The following HS3ST3B1 variants were observed in gnomAD, a reference collection of about 807,000 sequenced individuals.
HS3ST3B1 encodes the protein heparan sulfate-glucosamine 3-sulfotransferase 3B1.
In HS3ST3B1, 13 loss-of-function variants were observed where a neutral mutation model predicts 21.3. The ratio of observed to expected loss-of-function variants is 0.61; its 90% CI spans 0.40 to 0.97. The LOEUF (loss-of-function observed/expected upper bound fraction) is 0.97. Ranked by LOEUF, HS3ST3B1 falls within the 50% of genes least tolerant of loss-of-function variation. HS3ST3B1 has a pLI of 0.00. For synonymous variants in HS3ST3B1, 234 were observed against 254.8 expected, an observed-to-expected ratio of 0.92 and a Z score of 0.78; for missense variants, 459 against 554.8, an observed-to-expected ratio of 0.83 and a Z score of 1.73.
At chr17:14,332,093 G>A (rs62054234) in intron 1 of HS3ST3B1, among the ~76,000 whole-genome samples, 12 of 152,262 alleles carry the variant, frequency 7.9e-5, no homozygotes, top group Middle Eastern at 3.4e-3. Context: ...CCCTGGCTGG[G>A]TGTCTTATCT....
chr17:14,317,172 T>C (rs1379182623), intron 1 of HS3ST3B1, among the ~76,000 whole-genome samples: 1 of 152,244 alleles, frequency 6.6e-6, no homozygotes, highest in African/African-American at 2.4e-5. Context: ...AAGTTACGTA[T>C]CTTTTAAAGG....
rs189724701 is a variant in HS3ST3B1 at position 14,319,099 on chromosome 17, G to A, written c.554+17027G>A. Among the ~76,000 whole-genome samples, 267 of 152,278 alleles carry A rather than the reference G, an allele frequency of 1.8e-3. 2 individuals are homozygous for A. Among genetic ancestry groups the A allele is most frequent in the Admixed American group, 2.3e-3 (35 of 15,300 alleles). On this transcript the variant is annotated intron_variant, in intron 1 of 1. Transcript: ENST00000360954. ...TCGTAAGTCCCAGAAGCTCAGGTGC[G>A]GAGAGAGGCACTAGCAGACAGCAGC...
intron 1 of HS3ST3B1, among the ~76,000 whole-genome samples, chr17:14,327,046 G>A (rs1043354514): frequency 6.6e-6 from 1 of 151,476 alleles, no homozygotes; most frequent in African/African-American, 2.4e-5. Context: ...TCTCTTGACT[G>A]TGTCTGGAAT....
chr17:14,341,677 A>T (rs1910388050), intron 1 of HS3ST3B1, among the ~76,000 whole-genome samples: 1 of 152,214 alleles, frequency 6.6e-6, no homozygotes, highest in South Asian at 2.1e-4. Flanking sequence ...AGTCAGACTG[A>T]CAGCGAGATA....
chr17:14,310,511 G>A (rs1186191758), intron 1 of HS3ST3B1, among the ~76,000 whole-genome samples: 1 of 152,240 alleles, frequency 6.6e-6, no homozygotes, highest in Admixed American at 6.5e-5. Flanking sequence ...AAAAGGGCAC[G>A]TCGGGAAGTG....
At position 14,301,487 on chromosome 17, in the gene HS3ST3B1, G is replaced by A. The variant is rs1236808151; in HGVS notation, c.-32G>A. ...CGGCGGGACCCACGCCATGTGCTGA[G>A]CCATGTCCCTGGCCGCGCCCGCGGG... On this transcript the variant is annotated 5_prime_UTR_variant, in exon 1 of 2. Transcript: ENST00000360954. The A allele has an allele frequency of 6.8e-7, 1 of 1,474,272 alleles. No individual in the cohort carries two copies. Among genetic ancestry groups the A allele is most frequent in the Non-Finnish European group, 8.9e-7 (1 of 1,120,848 alleles). 91.3% of individuals were successfully genotyped at this position (1,474,272 alleles called of 1,614,324 possible).
At chr17:14,312,151 G>A (rs773179937) in intron 1 of HS3ST3B1, among the ~76,000 whole-genome samples, 2 of 152,210 alleles carry the variant, frequency 1.3e-5, no homozygotes, top group South Asian at 2.1e-4. Context: ...CTGTGTGCAG[G>A]CGAGTGGGCC....
At chr17:14,333,022 G>A (rs1910068405) in intron 1 of HS3ST3B1, among the ~76,000 whole-genome samples, 1 of 151,878 alleles carries the variant, frequency 6.6e-6, no homozygotes, top group Admixed American at 6.6e-5. Context: ...GAAACCAGGT[G>A]ATGAGAATAA....
chr17:14,320,733 G>C (rs993912574), intron 1 of HS3ST3B1, among the ~76,000 whole-genome samples: 6 of 152,188 alleles, frequency 3.9e-5, no homozygotes, highest in African/African-American at 1.4e-4. Context: ...CCTTTTGCCT[G>C]TCTGGAAGGA....
intron 1 of HS3ST3B1, among the ~76,000 whole-genome samples, chr17:14,335,432 T>C (rs1050265464): frequency 1.6e-4 from 24 of 152,136 alleles, no homozygotes; most frequent in Non-Finnish European, 2.8e-4. Context: ...CGGTGGCTCA[T>C]GCCTGTAATC....
chr17:14,328,721 C>T (rs889892131), intron 1 of HS3ST3B1: 1 of 152,156 alleles, frequency 6.6e-6, no homozygotes, highest in Non-Finnish European at 1.5e-5. Flanking sequence ...TCTTTTCCAC[C>T]TGGCAAGGTG....
At chr17:14,343,610 A>G (rs72820613) in intron 1 of HS3ST3B1, among the ~76,000 whole-genome samples, 6,940 of 152,178 alleles carry the variant, frequency 0.046, 360 homozygotes, top group Admixed American at 0.14. Context: ...TGCCTGATTT[A>G]TTTCGCTTAG....
At chr17:14,331,695 C>T (rs1259019233) in intron 1 of HS3ST3B1, among the ~76,000 whole-genome samples, 3 of 152,172 alleles carry the variant, frequency 2.0e-5, no homozygotes, top group Admixed American at 1.3e-4. Context: ...CCCCACGGAT[C>T]CTGCTGCGAA....
chr17:14,301,232 C>T lies in HS3ST3B1; in HGVS notation c.-287C>T. ...TGCAACGTCCTCCTGGCCCCGAGCG[C>T]GTCGTCGCGCCCCGGGAGCAGACCC... On this transcript the variant is annotated 5_prime_UTR_variant, in exon 1 of 2. Transcript: ENST00000360954. 2.2e-6 allele frequency: 1 copy of T among 459,810 alleles called. No homozygotes were observed. The highest frequency in any genetic ancestry group is 3.8e-6 in the Non-Finnish European group (1 of 262,452). The allele number at this position is 459,810 out of a possible 1,614,324, so 28.5% of individuals were successfully genotyped here. A position where few individuals can be genotyped will look rare whatever the true frequency, so the allele number is the denominator to read the frequency against.
At chr17:14,310,541 C>T (rs991047588) in intron 1 of HS3ST3B1, among the ~76,000 whole-genome samples, 8 of 152,218 alleles carry the variant, frequency 5.3e-5, no homozygotes, top group African/African-American at 1.9e-4. Flanking sequence ...CGTTGAACAT[C>T]GTTGCATGAG....
At chr17:14,311,845 T>C (rs528495230) in intron 1 of HS3ST3B1, among the ~76,000 whole-genome samples, 2 of 152,270 alleles carry the variant, frequency 1.3e-5, no homozygotes, top group South Asian at 4.2e-4. Context: ...CAGGGCCTCC[T>C]CTTCCTTGAA....
intron 1 of HS3ST3B1, among the ~76,000 whole-genome samples, chr17:14,336,519 C>T (rs1910189564): frequency 6.6e-6 from 1 of 152,118 alleles, no homozygotes; most frequent in Non-Finnish European, 1.5e-5. Flanking sequence ...AGAGCCCCAG[C>T]AAGAGTGGGG....
intron 1 of HS3ST3B1, among the ~76,000 whole-genome samples, 169 bp downstream of exon 1, chr17:14,302,241 G>T (rs1908960579): frequency 6.6e-6 from 1 of 152,186 alleles, no homozygotes; most frequent in East Asian, 1.9e-4. Flanking sequence ...TGCGGTGAGG[G>T]TTGCGCTCCG....
chr17:14,338,675 T>G (rs1910273450), intron 1 of HS3ST3B1, among the ~76,000 whole-genome samples: 1 of 149,214 alleles, frequency 6.7e-6, no homozygotes, highest in Non-Finnish European at 1.5e-5. Context: ...ACTCCTGACC[T>G]CAGGTGATCC....
Sources: gnomAD v4.1 joint callset for allele counts (sites outside exome capture counted in the v4.1 genomes callset) on GRCh38, gnomAD v4.1.1 for gene constraint, MANE v1.5 for transcripts, NCBI Gene and HGNC (gene_info 2026-07-23, HGNC 2026-07-21) for gene names.